The following PPFIA2 variants were observed in gnomAD, a reference collection of about 807,000 sequenced individuals.
The protein encoded by PPFIA2 is PPFI scaffold protein A2.
In PPFIA2, 46 loss-of-function variants were observed where a neutral mutation model predicts 175.5. The observed-to-expected ratio is 0.26, with a 90% CI of 0.21 to 0.34. PPFIA2 has a LOEUF of 0.34. PPFIA2 is among the 10% of genes least tolerant of loss of function. The pLI, the probability that PPFIA2 is intolerant of heterozygous loss-of-function variation, is 1.00. For synonymous variants in PPFIA2, 568 were observed against 511.4 expected (o/e 1.11, Z -1.49); for missense variants, 1,179 against 1,506.1 (o/e 0.78, Z 3.60).
intron 4 of PPFIA2, among the ~76,000 whole-genome samples, chr12:81,502,955 C>T (rs1440044795): frequency 6.6e-6 from 1 of 152,038 alleles, no homozygotes; most frequent in East Asian, 1.9e-4. Context: ...CACCCTCCAT[C>T]AAAAGCCGTA....
At chr12:81,477,859 A>T (rs111559345) in intron 4 of PPFIA2, among the ~76,000 whole-genome samples, 25 of 146,492 alleles carry the variant, frequency 1.7e-4, no homozygotes, top group Admixed American at 2.7e-4. Context: ...TTGGCCTGAA[A>T]TTTTTTTTTT....
At chr12:81,619,539 T>A (rs1316007137) in intron 4 of PPFIA2, among the ~76,000 whole-genome samples, 3 of 152,356 alleles carry the variant, frequency 2.0e-5, no homozygotes, top group South Asian at 4.1e-4. Context: ...CTTGGGAATA[T>A]AAATAAATAA....
At chr12:81,755,672 TA>T (rs2084529971) in intron 2 of PPFIA2, among the ~76,000 whole-genome samples, 3 of 152,164 alleles carry the variant, frequency 2.0e-5, no homozygotes, top group Admixed American at 2.0e-4. Context: ...GTAAGTAAAG[TA>T]TTTTGTGATT....
chr12:81,406,193 T>C lies in PPFIA2; in HGVS notation c.646-290A>G, dbSNP rs575387840. On this transcript the variant is annotated intron_variant, in intron 7 of 32. Coordinates refer to ENST00000549396, the MANE Select transcript of PPFIA2 (RefSeq NM_003625.5). ...GGAAATGTATCTAAAATCAATGATA[T>C]ATTTGTATTCACGTGATGTTAATTC... Among the ~76,000 whole-genome samples the C allele has an allele frequency of 2.6e-5, 4 of 152,324 alleles. No homozygotes were observed. The South Asian group carries it at 8.3e-4, about 32-fold the overall frequency.
chr12:81,744,614 C>T (rs546958054), intron 3 of PPFIA2, among the ~76,000 whole-genome samples: 1 of 152,068 alleles, frequency 6.6e-6, no homozygotes, highest in African/African-American at 2.4e-5. Context: ...TCAGTAGAGA[C>T]GTGGTTTCAC....
At chr12:81,444,825 T>G (rs2050912560) in intron 6 of PPFIA2, among the ~76,000 whole-genome samples, 2 of 152,186 alleles carry the variant, frequency 1.3e-5, no homozygotes, top group South Asian at 4.1e-4. Flanking sequence ...CTCTAACTCC[T>G]AAAGATTTAC....
At position 81,585,013 on chromosome 12, in the gene PPFIA2, T is replaced by TA. The variant is rs1491499449; in HGVS notation, c.303+91777dup. On this transcript the variant is annotated intron_variant, in intron 4 of 32. Coordinates refer to ENST00000549396, the MANE Select transcript of PPFIA2 (RefSeq NM_003625.5). ...TTATATATAATATATTAATTATATT[T>TA]ATATATAATATATTAATTATATTTA... Among the ~76,000 whole-genome samples, 3 of 95,928 alleles carry TA rather than the reference T, an allele frequency of 3.1e-5. No individual in the cohort carries two copies. The South Asian group carries it at 8.8e-4, about 28-fold the overall frequency. 62.9% of individuals were successfully genotyped at this position (95,928 alleles called of 152,430 possible).
At chr12:81,305,996 C>A (rs76582518) in intron 22 of PPFIA2, among the ~76,000 whole-genome samples, 1 of 152,240 alleles carries the variant, frequency 6.6e-6, no homozygotes, top group Non-Finnish European at 1.5e-5. Context: ...CTTTAGCATG[C>A]TATTCTGGGA....
intron 7 of PPFIA2, among the ~76,000 whole-genome samples, chr12:81,425,555 AG>A (rs1200949661): frequency 6.6e-6 from 1 of 152,092 alleles, no homozygotes; most frequent in Admixed American, 6.6e-5. Flanking sequence ...TTTAGTAGAG[AG>A]GGGGTTTCAC....
intron 4 of PPFIA2, among the ~76,000 whole-genome samples, chr12:81,498,454 T>C (rs2060253508): frequency 6.6e-6 from 1 of 152,182 alleles, no homozygotes; most frequent in East Asian, 1.9e-4. Flanking sequence ...TCACATAATC[T>C]GTAAAATGTC....
chr12:81,270,233 T>C (rs2038680715), intron 28 of PPFIA2, among the ~76,000 whole-genome samples: 1 of 152,252 alleles, frequency 6.6e-6, no homozygotes, highest in Admixed American at 6.5e-5. Flanking sequence ...AATTTAACCT[T>C]GCATTATTAA....
intron 21 of PPFIA2, among the ~76,000 whole-genome samples, chr12:81,334,024 C>T (rs1274383611): frequency 6.6e-6 from 1 of 152,194 alleles, no homozygotes; most frequent in Non-Finnish European, 1.5e-5. Flanking sequence ...TTGCTCACCA[C>T]CTTTCATTAT....
At chr12:81,421,391 C>T (rs937670877) in intron 7 of PPFIA2, among the ~76,000 whole-genome samples, 1 of 151,826 alleles carries the variant, frequency 6.6e-6, no homozygotes, top group African/African-American at 2.4e-5. Context: ...GAACACAAAT[C>T]GGGCAGAGTA....
intron 3 of PPFIA2, among the ~76,000 whole-genome samples, chr12:81,697,584 A>G (rs982652647): frequency 6.6e-6 from 1 of 152,162 alleles, no homozygotes; most frequent in Non-Finnish European, 1.5e-5. Flanking sequence ...GACAATTCAA[A>G]TTCTTTAGTA....
chr12:81,568,615 A>G (rs936737161), intron 4 of PPFIA2, among the ~76,000 whole-genome samples: 4 of 152,202 alleles, frequency 2.6e-5, no homozygotes, highest in South Asian at 2.1e-4. Flanking sequence ...CTGAGAACTC[A>G]TAAGTCTTTC....
intron 3 of PPFIA2, among the ~76,000 whole-genome samples, chr12:81,725,537 C>T (rs377593760): frequency 6.7e-6 from 1 of 150,350 alleles, no homozygotes. Flanking sequence ...AAATTAGGGT[C>T]TTAAAATCCA....
chr12:81,666,810 A>G (rs1189462133), intron 4 of PPFIA2, among the ~76,000 whole-genome samples: 2 of 152,070 alleles, frequency 1.3e-5, no homozygotes, highest in Non-Finnish European at 2.9e-5. Flanking sequence ...AAGAAAGTAA[A>G]TTTGCTCAAG....
At chr12:81,532,739 A>G (rs2064772483) in intron 4 of PPFIA2, among the ~76,000 whole-genome samples, 1 of 151,694 alleles carries the variant, frequency 6.6e-6, no homozygotes, top group Non-Finnish European at 1.5e-5. Context: ...GATTAAATTT[A>G]TCCTGATTCC....
At chr12:81,267,736 T>G (rs71437086) in intron 29 of PPFIA2, among the ~76,000 whole-genome samples, 176 bp downstream of exon 29, 48,493 of 148,978 alleles carry the variant, frequency 0.33, 9,470 homozygotes, top group Non-Finnish European at 0.46. Context: ...TGATTTTTTT[T>G]TTTTTTTTTT....
Sources: allele counts gnomAD v4.1 joint callset (sites outside exome capture counted in the v4.1 genomes callset), GRCh38; gene constraint gnomAD v4.1.1; transcripts MANE v1.5; gene names NCBI Gene and HGNC (gene_info 2026-07-23, HGNC 2026-07-21).